Variants in NBAS observed in about 807,000 individuals in gnomAD.
The protein encoded by NBAS is NAG/BC035112 fusion.
In NBAS, 219 loss-of-function variants were observed where a neutral mutation model predicts 302.5. That is an observed-to-expected ratio of 0.72 (90% CI 0.65 to 0.81). NBAS has a LOEUF of 0.81. NBAS is among the 30% of genes least tolerant of loss of function. NBAS has a pLI of 0.00. For synonymous variants in NBAS, 1,118 were observed against 1,021.6 expected, an observed-to-expected ratio of 1.09 and a Z score of -1.80; for missense variants, 2,932 against 2,841.6, an observed-to-expected ratio of 1.03 and a Z score of -0.72.
At chr2:14,934,181 C>A in the NBAS span, among the ~76,000 whole-genome samples, 1 of 152,012 alleles carries the variant, frequency 6.6e-6, no homozygotes, top group Non-Finnish European at 1.5e-5. Context: ...TAAAGTCCAC[C>A]CCATTTTCTC....
chr2:15,064,658 C>T, the NBAS span, among the ~76,000 whole-genome samples: 3 of 152,060 alleles, frequency 2.0e-5, no homozygotes, highest in Non-Finnish European at 4.4e-5. Context: ...TAATTAAAAT[C>T]AATTCTTCTT....
chr2:15,211,281 A>G (rs1364149772), intron 48 of NBAS, among the ~76,000 whole-genome samples: 1 of 152,318 alleles, frequency 6.6e-6, no homozygotes, highest in Non-Finnish European at 1.5e-5. Flanking sequence ...TTAAAAAAAT[A>G]AAAAGATAAA....
chr2:15,427,881 T>G, intron 21 of NBAS, 87 bp from the exon 22 acceptor site: 9 of 945,138 alleles, frequency 9.5e-6, no homozygotes, highest in African/African-American at 1.6e-5. Context: ...ACAGCATCTC[T>G]ATAACATTAA....
At chr2:15,224,605 G>C (rs6736116) in intron 47 of NBAS, among the ~76,000 whole-genome samples, 75,851 of 152,032 alleles carry the variant, frequency 0.5, 20,443 homozygotes, top group African/African-American at 0.7. Context: ...ATGTTCCACC[G>C]CATGTTTAAA....
chr2:15,040,351 A>T, the NBAS span, among the ~76,000 whole-genome samples: 4 of 152,162 alleles, frequency 2.6e-5, no homozygotes, highest in African/African-American at 9.7e-5. Flanking sequence ...ATTCACAAAC[A>T]GGTAGGGATC....
intron 41 of NBAS, among the ~76,000 whole-genome samples, chr2:15,291,733 T>C (rs893690050): frequency 2.6e-5 from 4 of 152,130 alleles, no homozygotes; most frequent in South Asian, 2.1e-4. Context: ...AACAAGTCAA[T>C]TGTATCTAGT....
intron 33 of NBAS, among the ~76,000 whole-genome samples, chr2:15,354,886 T>C (rs993108430): frequency 6.6e-6 from 1 of 152,192 alleles, no homozygotes; most frequent in African/African-American, 2.4e-5. Flanking sequence ...CTGATCATCC[T>C]GGCCAGCCTT....
chr2:15,312,417 G>T (rs1435300155), intron 38 of NBAS, among the ~76,000 whole-genome samples: 1 of 152,096 alleles, frequency 6.6e-6, no homozygotes, highest in African/African-American at 2.4e-5. Flanking sequence ...AGAATGACAG[G>T]CGTGTGCCAC....
intron 35 of NBAS, among the ~76,000 whole-genome samples, chr2:15,344,773 G>A (rs777812041): frequency 8.5e-5 from 13 of 152,084 alleles, no homozygotes; most frequent in Non-Finnish European, 1.6e-4. Flanking sequence ...ATAAAACACT[G>A]GCAAACCGAA....
At chr2:14,979,557 G>C in the NBAS span, among the ~76,000 whole-genome samples, 1 of 152,144 alleles carries the variant, frequency 6.6e-6, no homozygotes, top group African/African-American at 2.4e-5. Flanking sequence ...ATTTCCTCAA[G>C]TCACAGAGGG....
intron 28 of NBAS, among the ~76,000 whole-genome samples, chr2:15,384,330 C>A (rs1365911787): frequency 1.3e-5 from 2 of 152,294 alleles, no homozygotes; most frequent in East Asian, 3.9e-4. Context: ...ACTTTCCTCT[C>A]TGGAAGCTCA....
At chr2:15,475,500 T>C (rs1259770875) in intron 14 of NBAS, among the ~76,000 whole-genome samples, 187 bp downstream of exon 14, 2 of 152,162 alleles carry the variant, frequency 1.3e-5, no homozygotes, top group Non-Finnish European at 2.9e-5. Flanking sequence ...ACAAATTTTC[T>C]TCATTATAAT....
At chr2:15,403,378 C>T (rs1203740382) in intron 25 of NBAS, among the ~76,000 whole-genome samples, 1 of 152,156 alleles carries the variant, frequency 6.6e-6, no homozygotes, top group African/African-American at 2.4e-5. Flanking sequence ...CCCTCCATAC[C>T]TGTGGGCTCC....
At chr2:14,873,563 T>C in the NBAS span, among the ~76,000 whole-genome samples, 2 of 152,060 alleles carry the variant, frequency 1.3e-5, no homozygotes, top group Non-Finnish European at 2.9e-5. Flanking sequence ...GGATAGACTA[T>C]GTGATAAAAC....
chr2:15,235,765 C>T (rs1277619865), intron 45 of NBAS, among the ~76,000 whole-genome samples: 4 of 152,104 alleles, frequency 2.6e-5, no homozygotes, highest in South Asian at 2.1e-4. Context: ...AGATTGGGCA[C>T]GTTCTGACAG....
At chr2:15,300,803 G>A (rs538259833) in intron 40 of NBAS, among the ~76,000 whole-genome samples, 4 of 152,298 alleles carry the variant, frequency 2.6e-5, no homozygotes, top group South Asian at 4.1e-4. Context: ...GATGGAAGGA[G>A]GCCAAGTAAG....
intron 5 of NBAS, among the ~76,000 whole-genome samples, chr2:15,552,214 A>G (rs1180373598): frequency 6.6e-6 from 1 of 152,230 alleles, no homozygotes; most frequent in Non-Finnish European, 1.5e-5. Flanking sequence ...ATACATACAG[A>G]TATCAAAAAA....
Position 15,541,812 on chromosome 2 carries a change from T to C in NBAS, c.380-2456A>G, listed in dbSNP as rs1218155730. Among the ~76,000 whole-genome samples, 4 of 22,004 alleles carry C rather than the reference T, an allele frequency of 1.8e-4. 2 individuals are homozygous for C. Among genetic ancestry groups the C allele is most frequent in the African/African-American group, 3.5e-4 (2 of 5,704 alleles). 14.4% of individuals were successfully genotyped at this position (22,004 alleles called of 152,430 possible). On this transcript the variant is annotated intron_variant, in intron 6 of 51. Coordinates refer to ENST00000281513, the MANE Select transcript of NBAS (RefSeq NM_015909.4). Reference sequence around the variant, plus strand: ...CCGTCCGGGAGGGAGGTGGGGGGGTTCAGCCCCCCGCCCGGCCAGCCGCCC... The same window carrying C: ...CCGTCCGGGAGGGAGGTGGGGGGGTCCAGCCCCCCGCCCGGCCAGCCGCCC...
At chr2:14,797,582 C>G in the NBAS span, among the ~76,000 whole-genome samples, 1 of 152,220 alleles carries the variant, frequency 6.6e-6, no homozygotes. Context: ...TCCCCCTCAT[C>G]TGGAAGCTGG....
Sources: allele counts gnomAD v4.1 joint callset (sites outside exome capture counted in the v4.1 genomes callset), GRCh38; gene constraint gnomAD v4.1.1; transcripts MANE v1.5; gene names NCBI Gene and HGNC (gene_info 2026-07-23, HGNC 2026-07-21).